The following DENND2B variants were observed in gnomAD, a reference collection of about 807,000 sequenced individuals.
DENND2B encodes the protein DENN domain containing 2B.
Under a neutral mutation model 116.0 loss-of-function variants are expected in DENND2B, and 32 were observed. The observed-to-expected ratio is 0.28, with a 90% CI of 0.21 to 0.37. The LOEUF (loss-of-function observed/expected upper bound fraction) is 0.37. Ranked by LOEUF, DENND2B falls within the 10% of genes least tolerant of loss-of-function variation. The pLI, the probability that DENND2B is intolerant of heterozygous loss-of-function variation, is 1.00. For synonymous variants in DENND2B, 588 were observed against 583.9 expected (o/e 1.01, Z -0.10); for missense variants, 1,276 against 1,477.7 (o/e 0.86, Z 2.24).
chr11:8,884,030 G>GTATCT (rs2063931235), intron 1 of DENND2B, among the ~76,000 whole-genome samples: 3 of 152,160 alleles, frequency 2.0e-5, no homozygotes, highest in Non-Finnish European at 4.4e-5. Flanking sequence ...TTGTATCTTA[G>GTATCT]TTGACTTCTT....
intron 8 of DENND2B, among the ~76,000 whole-genome samples, chr11:8,713,646 C>T (rs1002072801): frequency 6.6e-6 from 1 of 152,202 alleles, no homozygotes. Flanking sequence ...TCCCAAAGTG[C>T]TGGGATTACA....
At chr11:8,795,231 T>G (rs1198003097) in intron 1 of DENND2B, among the ~76,000 whole-genome samples, 9 of 152,210 alleles carry the variant, frequency 5.9e-5, no homozygotes, top group Non-Finnish European at 1.5e-5. Context: ...TACCAGGCTT[T>G]GTTGATGTTT....
At chr11:8,837,624 G>A (rs1041792437) in intron 4 of DENND2B, among the ~76,000 whole-genome samples, 6 of 152,164 alleles carry the variant, frequency 3.9e-5, no homozygotes, top group Non-Finnish European at 7.4e-5. Context: ...GGGATTACAG[G>A]CGTGAGTCAC....
intron 7 of DENND2B, 86 bp from the exon 8 acceptor site, chr11:8,714,128 G>A (rs2044288433): frequency 7.4e-7 from 1 of 1,351,138 alleles, no homozygotes; most frequent in Admixed American, 1.7e-5. Context: ...TTTCTCACAG[G>A]GGATGGATCT....
intron 3 of DENND2B, among the ~76,000 whole-genome samples, chr11:8,849,597 G>A (rs933352350): frequency 1.3e-5 from 2 of 151,794 alleles, no homozygotes; most frequent in East Asian, 3.9e-4. Context: ...GCCAAGGTGG[G>A]CAGATCACTT....
chr11:8,772,731 C>CTCCAGCGT (rs1409288183), intron 1 of DENND2B, among the ~76,000 whole-genome samples: 1 of 152,182 alleles, frequency 6.6e-6, no homozygotes, highest in East Asian at 1.9e-4. Context: ...ACCTGGGCGG[C>CTCCAGCGT]TCCAGCGTTC....
At chr11:8,723,751 C>T (rs775746902) in intron 4 of DENND2B, among the ~76,000 whole-genome samples, 5 of 152,292 alleles carry the variant, frequency 3.3e-5, no homozygotes, top group Non-Finnish European at 5.9e-5. Flanking sequence ...ACAAAGCTGT[C>T]TTTTCCCCAG....
At chr11:8,739,368 G>C (rs564463439) in intron 2 of DENND2B, among the ~76,000 whole-genome samples, 1 of 152,332 alleles carries the variant, frequency 6.6e-6, no homozygotes, top group South Asian at 2.1e-4. Flanking sequence ...AGCCCTCTAA[G>C]TTCTCTGTGC....
chr11:8,744,343 A>G (rs1221087485), intron 2 of DENND2B, among the ~76,000 whole-genome samples: 1 of 152,086 alleles, frequency 6.6e-6, no homozygotes, highest in African/African-American at 2.4e-5. Flanking sequence ...CATGTTGGTC[A>G]GGCTGGTCTC....
chr11:8,707,176 T>A lies in DENND2B; in HGVS notation c.2480A>T (p.Tyr827Phe), dbSNP rs746779051. Residue 827 changes from tyrosine to phenylalanine, a missense_variant, in exon 13 of 20, where the codon TAT becomes TTT. Coordinates refer to ENST00000313726, the MANE Select transcript of DENND2B (RefSeq NM_213618.2). The surrounding 1 kb of genome is among the most constrained non-coding windows in gnomAD (Gnocchi z 4.8). The stretch of plus-strand genomic sequence containing the variant: ...CTCCATGAGACTTCTCATGAAAGGA[T>A]AGACCAATGCAGCGGAGATCCCACG... ...RRRGISAALV[Y>F]PFMRSLMESP... The A allele has an allele frequency of 8.7e-6, 14 of 1,613,826 alleles. No homozygotes were observed. The highest frequency in any genetic ancestry group is 1.2e-5 in the Non-Finnish European group (14 of 1,179,870).
At chr11:8,779,260 T>C (rs967116495) in intron 1 of DENND2B, among the ~76,000 whole-genome samples, 12 of 152,152 alleles carry the variant, frequency 7.9e-5, no homozygotes, top group African/African-American at 2.7e-4. Context: ...GACAGAAGAC[T>C]GTTTGAGATG....
chr11:8,820,550 TAAAG>T (rs1238844831), intron 4 of DENND2B, among the ~76,000 whole-genome samples: 4 of 152,240 alleles, frequency 2.6e-5, no homozygotes, highest in East Asian at 1.9e-4. Flanking sequence ...CGCAACCCAA[TAAAG>T]AATGTTTTAC....
chr11:8,715,957 C>A, intron 5 of DENND2B, 139 bp from the exon 6 acceptor site: 1 of 732,442 alleles, frequency 1.4e-6, no homozygotes, highest in Non-Finnish European at 2.1e-6. Context: ...TTCCATCCCT[C>A]TCTTAAGACT....
intron 2 of DENND2B, among the ~76,000 whole-genome samples, chr11:8,749,833 T>TA (rs2052019239): frequency 6.6e-6 from 1 of 152,184 alleles, no homozygotes; most frequent in African/African-American, 2.4e-5. Flanking sequence ...ACAGCTTTAA[T>TA]AAAAAAGACT....
At chr11:8,733,711 G>A (rs1190263911) in intron 2 of DENND2B, among the ~76,000 whole-genome samples, 1 of 152,224 alleles carries the variant, frequency 6.6e-6, no homozygotes, top group East Asian at 1.9e-4. Flanking sequence ...TGGCTCCTTG[G>A]GATAGGAAAA....
intron 4 of DENND2B, among the ~76,000 whole-genome samples, chr11:8,837,290 T>TTTC (rs2062466652): frequency 6.7e-6 from 1 of 149,758 alleles, no homozygotes; most frequent in African/African-American, 2.5e-5. Context: ...AACCATTTTG[T>TTTC]TTCTTCTTCA....
chr11:8,803,641 T>C (rs919794817), intron 1 of DENND2B, among the ~76,000 whole-genome samples: 1 of 152,254 alleles, frequency 6.6e-6, no homozygotes, highest in South Asian at 2.1e-4. Context: ...GAGAGCATAT[T>C]TGTGTCTACA....
intron 4 of DENND2B, among the ~76,000 whole-genome samples, chr11:8,837,133 A>T (rs1410056306): frequency 6.6e-6 from 1 of 152,136 alleles, no homozygotes; most frequent in Non-Finnish European, 1.5e-5. Flanking sequence ...CAAATCTTTA[A>T]CTGGAACAAA....
intron 1 of DENND2B, among the ~76,000 whole-genome samples, chr11:8,907,702 CT>C (rs1388941855): frequency 6.6e-6 from 1 of 151,696 alleles, no homozygotes; most frequent in Non-Finnish European, 1.5e-5. Context: ...AAAGCCAACT[CT>C]TTTTTTTCTT....
Sources: allele counts gnomAD v4.1 joint callset (sites outside exome capture counted in the v4.1 genomes callset), GRCh38; gene constraint gnomAD v4.1.1; non-coding constraint Gnocchi (gnomAD v3.1); transcripts MANE v1.5; gene names NCBI Gene and HGNC (gene_info 2026-07-23, HGNC 2026-07-21).